LGSN: variants seen among roughly 807,000 people sequenced by gnomAD.
LGSN encodes the protein lengsin.
A neutral mutation model predicts 19.5 loss-of-function variants in LGSN; 21 were observed. The ratio of observed to expected loss-of-function variants is 1.07; its 90% CI spans 0.76 to 1.55. LGSN has a LOEUF of 1.55. Ranked by LOEUF, LGSN falls within the 40% of genes most tolerant of loss-of-function variation. LGSN has a pLI of 0.00. For synonymous variants in LGSN, 257 were observed against 215.6 expected (o/e 1.19, Z -1.68); for missense variants, 673 against 608.5 (o/e 1.11, Z -1.12).
rs549044914 is a variant in LGSN, at chr6:63,279,984, C to A, written c.*37G>T. 1 of 1,504,852 alleles carries A rather than the reference C, an allele frequency of 6.6e-7. No homozygotes were observed. The highest frequency in any genetic ancestry group is 8.9e-7 in the Non-Finnish European group (1 of 1,122,716). The allele number at this position is 1,504,852 out of a possible 1,614,324, so 93.2% of individuals were successfully genotyped here. On this transcript the variant is annotated 3_prime_UTR_variant, in exon 4 of 4. Transcript: ENST00000370657. ...GTTTTGGTAGATTAGCTTTAAGTAA[C>A]AATTACATGTCTAAAGGAGTAGTTG...
chr6:63,360,801 T>C, the LGSN span, among the ~76,000 whole-genome samples: 1 of 152,196 alleles, frequency 6.6e-6, no homozygotes, highest in Non-Finnish European at 1.5e-5. Flanking sequence ...CTACCTTTGG[T>C]CTTCGATGAT....
chr6:63,277,986 A>G lies in LGSN; in HGVS notation c.*2035T>C, dbSNP rs1259091563. The G allele has an allele frequency of 6.6e-6, 1 of 152,028 alleles. No individual in the cohort carries two copies. The highest frequency in any genetic ancestry group is 1.9e-4 in the East Asian group (1 of 5,168). 9.4% of individuals were successfully genotyped at this position (152,028 alleles called of 1,614,324 possible). On this transcript the variant is annotated 3_prime_UTR_variant, in exon 4 of 4. Coordinates refer to ENST00000370657, the MANE Select transcript of LGSN (RefSeq NM_016571.3). The stretch of plus-strand genomic sequence containing the variant: ...CTACTTGGGAGGCTGAGGCAGGAGA[A>G]TTACTTGAACCCAGGGGGCAGAGGT...
the LGSN span, among the ~76,000 whole-genome samples, chr6:63,423,077 T>TG: frequency 6.6e-6 from 1 of 152,298 alleles, no homozygotes; most frequent in Admixed American, 6.5e-5. Flanking sequence ...TCAGGTACAG[T>TG]GGCTCACTTC....
the LGSN span, among the ~76,000 whole-genome samples, chr6:63,544,076 C>T: frequency 6.6e-6 from 1 of 152,232 alleles, no homozygotes; most frequent in South Asian, 2.1e-4. Flanking sequence ...GTTTCCTTTT[C>T]TGCCTGTGAG....
chr6:63,571,491 C>T, the LGSN span: 1 of 152,152 alleles, frequency 6.6e-6, no homozygotes, highest in South Asian at 2.1e-4. Flanking sequence ...GACTTTACTT[C>T]TTAGGGGCTT....
the LGSN span, among the ~76,000 whole-genome samples, chr6:63,339,839 G>A: frequency 5.8e-4 from 88 of 152,046 alleles, no homozygotes; most frequent in African/African-American, 2.1e-3. Flanking sequence ...ATTTGTGTAT[G>A]TGCTCTACCA....
At chr6:63,547,805 C>T in the LGSN span, among the ~76,000 whole-genome samples, 1 of 152,118 alleles carries the variant, frequency 6.6e-6, no homozygotes, top group Non-Finnish European at 1.5e-5. Context: ...GCCACTGCGC[C>T]CGGCCCAGGG....
chr6:63,286,911 T>C (rs1767562242), intron 2 of LGSN, among the ~76,000 whole-genome samples: 1 of 152,216 alleles, frequency 6.6e-6, no homozygotes, highest in Non-Finnish European at 1.5e-5. Context: ...GTAAGCACCA[T>C]GTAAGTGCTA....
the LGSN span, among the ~76,000 whole-genome samples, chr6:63,398,675 G>C: frequency 2.0e-5 from 3 of 152,000 alleles, no homozygotes; most frequent in African/African-American, 7.2e-5. Flanking sequence ...AATAAATTTA[G>C]TATAGCCTAA....
chr6:63,380,295 C>A, the LGSN span, among the ~76,000 whole-genome samples: 1 of 152,156 alleles, frequency 6.6e-6, no homozygotes, highest in Non-Finnish European at 1.5e-5. Context: ...AATTTCTGTG[C>A]CACTTTACAC....
chr6:63,416,833 G>T, the LGSN span, among the ~76,000 whole-genome samples: 2 of 151,976 alleles, frequency 1.3e-5, no homozygotes, highest in Admixed American at 1.3e-4. Context: ...CTCCCAAAGT[G>T]CTGGGATTGC....
At chr6:63,333,373 C>G in the LGSN span, among the ~76,000 whole-genome samples, 18 of 149,778 alleles carry the variant, frequency 1.2e-4, no homozygotes, top group Non-Finnish European at 2.1e-4. Flanking sequence ...GAAATTCTCC[C>G]TAAGTTATTC....
At chr6:63,320,122 G>A (rs12111488), upstream of LGSN, 6,661 of 572,082 alleles carry the variant, frequency 0.012, 332 homozygotes, top group African/African-American at 0.11. Context: ...TCATGCCCAA[G>A]GCACAGTATG....
chr6:63,495,681 C>T, the LGSN span, among the ~76,000 whole-genome samples: 1 of 151,652 alleles, frequency 6.6e-6, no homozygotes, highest in Non-Finnish European at 1.5e-5. Context: ...AACTCCTGGC[C>T]TCAAGAGATC....
chr6:63,412,529 GGAAA>G, the LGSN span, among the ~76,000 whole-genome samples: 1,119 of 32,288 alleles, frequency 0.035, 31 homozygotes, highest in Middle Eastern at 0.056. Flanking sequence ...AAAGAAAGAA[GGAAA>G]GAAAGAAAGA....
the LGSN span, among the ~76,000 whole-genome samples, chr6:63,413,712 T>G: frequency 5.5e-4 from 84 of 152,318 alleles, no homozygotes; most frequent in Middle Eastern, 0.01. Flanking sequence ...TACAAATAAT[T>G]GAGTTACTTC....
the LGSN span, among the ~76,000 whole-genome samples, chr6:63,367,256 CA>C: frequency 2.0e-5 from 3 of 152,146 alleles, no homozygotes; most frequent in African/African-American, 7.2e-5. Context: ...AAAAATCAAA[CA>C]ACCCCATCAA....
At chr6:63,423,087 C>T in the LGSN span, among the ~76,000 whole-genome samples, 1 of 152,200 alleles carries the variant, frequency 6.6e-6, no homozygotes, top group South Asian at 2.1e-4. Context: ...TGGCTCACTT[C>T]TGTAATCCCA....
the LGSN span, among the ~76,000 whole-genome samples, chr6:63,561,898 T>A: frequency 2.6e-5 from 4 of 152,230 alleles, no homozygotes; most frequent in Non-Finnish European, 4.4e-5. Context: ...GGTGCTTCTA[T>A]CTCTGCTGCA....
Sources: gnomAD v4.1 joint callset for allele counts (sites outside exome capture counted in the v4.1 genomes callset) on GRCh38, gnomAD v4.1.1 for gene constraint, MANE v1.5 for transcripts, NCBI Gene and HGNC (gene_info 2026-07-23, HGNC 2026-07-21) for gene names.